ARB2A: variants seen among roughly 807,000 people sequenced by gnomAD.
The protein encoded by ARB2A is cotranscriptional regulator ARB2A.
At chr5:94,003,736 C>G in the ARB2A span, among the ~76,000 whole-genome samples, 4 of 151,992 alleles carry the variant, frequency 2.6e-5, no homozygotes, top group East Asian at 5.8e-4. Context: ...ATACCGTGTT[C>G]ATGGATACAA....
At chr5:93,687,918 C>T in the ARB2A span, among the ~76,000 whole-genome samples, 1 of 152,024 alleles carries the variant, frequency 6.6e-6, no homozygotes, top group Non-Finnish European at 1.5e-5. Context: ...TGGTCTCCTA[C>T]TTCCAGGCAA....
the ARB2A span, among the ~76,000 whole-genome samples, chr5:93,810,616 C>T: frequency 1.3e-5 from 2 of 151,980 alleles, no homozygotes; most frequent in South Asian, 4.1e-4. Flanking sequence ...GTTTTCGGGG[C>T]TGGCTGGTCT....
chr5:93,985,782 C>A, the ARB2A span, among the ~76,000 whole-genome samples: 3 of 152,206 alleles, frequency 2.0e-5, no homozygotes, highest in Non-Finnish European at 4.4e-5. Context: ...ACAACCTCCA[C>A]CTCCCAGCCG....
At chr5:94,034,257 T>G in the ARB2A span, among the ~76,000 whole-genome samples, 1 of 152,232 alleles carries the variant, frequency 6.6e-6, no homozygotes, top group Non-Finnish European at 1.5e-5. Flanking sequence ...TAATTATATA[T>G]TCCAAGTCCC....
At chr5:93,971,153 C>G in the ARB2A span, among the ~76,000 whole-genome samples, 12 of 152,188 alleles carry the variant, frequency 7.9e-5, no homozygotes, top group African/African-American at 2.2e-4. Context: ...TGCCCACGAC[C>G]ACGCTCAGCT....
the ARB2A span, among the ~76,000 whole-genome samples, chr5:93,850,484 T>G: frequency 6.6e-6 from 1 of 152,116 alleles, no homozygotes; most frequent in Non-Finnish European, 1.5e-5. Flanking sequence ...ATGATCAGGA[T>G]GCTGTGAACA....
chr5:94,055,694 G>A, the ARB2A span: 4 of 985,154 alleles, frequency 4.1e-6, no homozygotes, highest in Non-Finnish European at 4.8e-6. Flanking sequence ...AAGACAGAAG[G>A]GTTTTAATAT....
the ARB2A span, among the ~76,000 whole-genome samples, chr5:93,875,813 A>G: frequency 6.6e-6 from 1 of 151,762 alleles, no homozygotes; most frequent in Non-Finnish European, 1.5e-5. Context: ...AAAAAAAAAA[A>G]GAGACTAAAG....
the ARB2A span, among the ~76,000 whole-genome samples, chr5:93,691,029 C>T: frequency 5.3e-5 from 8 of 152,098 alleles, no homozygotes; most frequent in Non-Finnish European, 1.0e-4. Flanking sequence ...AGGTCACCAA[C>T]ATCAAAGACC....
At chr5:94,048,889 T>C in the ARB2A span, among the ~76,000 whole-genome samples, 109,395 of 152,070 alleles carry the variant, frequency 0.72, 40,906 homozygotes, top group South Asian at 0.85. Flanking sequence ...GCAAAAGCTG[T>C]CAAAGTCTTT....
the ARB2A span, among the ~76,000 whole-genome samples, chr5:93,763,274 C>A: frequency 2.0e-5 from 3 of 152,048 alleles, no homozygotes; most frequent in Non-Finnish European, 4.4e-5. Context: ...GAGTCAAGAC[C>A]CATCAGTGTG....
chr5:94,056,173 A>G, the ARB2A span, among the ~76,000 whole-genome samples: 1 of 152,212 alleles, frequency 6.6e-6, no homozygotes, highest in Non-Finnish European at 1.5e-5. Flanking sequence ...TGCTATATCA[A>G]CCTTATAATA....
At chr5:94,058,244 A>G in the ARB2A span, among the ~76,000 whole-genome samples, 1 of 152,182 alleles carries the variant, frequency 6.6e-6, no homozygotes, top group Non-Finnish European at 1.5e-5. Flanking sequence ...TAAAACCAAA[A>G]AGCAAAGCAA....
chr5:93,656,479 A>G, the ARB2A span, among the ~76,000 whole-genome samples: 1 of 152,192 alleles, frequency 6.6e-6, no homozygotes, highest in African/African-American at 2.4e-5. Flanking sequence ...ACTGAATTCA[A>G]TGCCACTTTC....
At chr5:93,652,995 C>T in the ARB2A span, among the ~76,000 whole-genome samples, 2 of 152,018 alleles carry the variant, frequency 1.3e-5, no homozygotes, top group African/African-American at 2.4e-5. Context: ...TGTTTTCTAT[C>T]GGCTTTAACC....
chr5:93,840,242 C>A, the ARB2A span, among the ~76,000 whole-genome samples: 1 of 152,140 alleles, frequency 6.6e-6, no homozygotes, highest in Non-Finnish European at 1.5e-5. Context: ...TTATTTCTGA[C>A]AGCACTCAGT....
chr5:93,867,862 A>G, the ARB2A span, among the ~76,000 whole-genome samples: 3 of 152,166 alleles, frequency 2.0e-5, no homozygotes, highest in African/African-American at 7.2e-5. Flanking sequence ...GAAAAAAAAA[A>G]CCTATTGTTT....
the ARB2A span, among the ~76,000 whole-genome samples, chr5:94,098,224 AT>A: frequency 6.6e-6 from 1 of 152,242 alleles, no homozygotes; most frequent in Non-Finnish European, 1.5e-5. Flanking sequence ...TTAAAGGAAC[AT>A]CAGGCCACAA....
the ARB2A span, among the ~76,000 whole-genome samples, chr5:94,018,198 A>G: frequency 6.6e-6 from 1 of 152,212 alleles, no homozygotes; most frequent in East Asian, 1.9e-4. Flanking sequence ...GTCTCAATAA[A>G]GTGGTGCTGC....
Sources: gnomAD v4.1 joint callset for allele counts (sites outside exome capture counted in the v4.1 genomes callset) on GRCh38, gnomAD v4.1.1 for gene constraint, MANE v1.5 for transcripts, NCBI Gene and HGNC (gene_info 2026-07-23, HGNC 2026-07-21) for gene names.